Variants in SUN1 observed in about 807,000 individuals in gnomAD.
SUN1 encodes the protein Sad1 and UNC84 domain containing 1.
In SUN1, 61 loss-of-function variants were observed where a neutral mutation model predicts 103.2. The ratio of observed to expected loss-of-function variants is 0.59; its 90% CI spans 0.48 to 0.73. SUN1 has a LOEUF of 0.73. Among genes scored for constraint, SUN1 ranks in the 30% least tolerant of loss-of-function variants. The probability of loss-of-function intolerance (pLI) is 0.00; values close to 1 mark genes in which losing one functional copy is unlikely to be tolerated. For missense variants in SUN1, 1,052 were observed against 1,034.6 expected (o/e 1.02, Z -0.23); for synonymous variants, 490 against 425.7 (o/e 1.15, Z -1.86).
chr7:833,499 T>C (rs1381766275), intron 1 of SUN1, among the ~76,000 whole-genome samples: 2 of 151,954 alleles, frequency 1.3e-5, no homozygotes, highest in African/African-American at 4.8e-5. Flanking sequence ...TTAATAGAGA[T>C]GGGGTTTCAC....
At chr7:851,000 T>C (rs965725531) in intron 5 of SUN1, among the ~76,000 whole-genome samples, 4 of 152,184 alleles carry the variant, frequency 2.6e-5, no homozygotes, top group Admixed American at 1.3e-4. Flanking sequence ...CAGGTGTCTA[T>C]GGAATTTCAA....
chr7:866,712 G>GCC (rs57154984), intron 16 of SUN1, among the ~76,000 whole-genome samples: 1 of 4,182 alleles, frequency 2.4e-4, no homozygotes, highest in South Asian at 6.4e-3. Context: ...GTGGGCCTTC[G>GCC]CCCCCCCCCC....
chr7:827,266 C>T (rs1684210697), intron 1 of SUN1, among the ~76,000 whole-genome samples: 1 of 152,096 alleles, frequency 6.6e-6, no homozygotes, highest in African/African-American at 2.4e-5. Context: ...AAGTGATCCT[C>T]CTGCCCGCCT....
chr7:864,228 A>G (rs1463257732), intron 15 of SUN1, among the ~76,000 whole-genome samples: 4 of 152,040 alleles, frequency 2.6e-5, no homozygotes, highest in Non-Finnish European at 5.9e-5. Flanking sequence ...TTGAGTTACA[A>G]ACAAAAATAC....
At chr7:817,922 A>C (rs889655407) in intron 1 of SUN1, among the ~76,000 whole-genome samples, 7 of 151,436 alleles carry the variant, frequency 4.6e-5, no homozygotes, top group Admixed American at 1.3e-4. Context: ...TGTTTGTTCT[A>C]CTTTCTAGAT....
At chr7:817,416 A>G in intron 1 of SUN1, 1 of 1,535,566 alleles carries the variant, frequency 6.5e-7, no homozygotes, top group Non-Finnish European at 8.7e-7. Context: ...GTCTGGTGCA[A>G]AATAAGCAGC....
rs945811721 is a variant in SUN1, at chr7:874,203, C to T, written c.*872C>T. On this transcript the variant is annotated 3_prime_UTR_variant, in exon 19 of 19. Coordinates refer to ENST00000401592, the MANE Select transcript of SUN1 (RefSeq NM_001130965.3). ...CACTGGTGGTGATAAGAGGAGCCGT[C>T]TGGTGTGTCAGGGTCACGAACCCGT... The T allele has an allele frequency of 2.6e-5, 4 of 152,464 alleles. No individual in the cohort carries two copies. The highest frequency in any genetic ancestry group is 5.9e-5 in the Non-Finnish European group (4 of 68,046). The allele number at this position is 152,464 out of a possible 1,614,324, so 9.4% of individuals were successfully genotyped here. A position where few individuals can be genotyped will look rare whatever the true frequency, so the allele number is the denominator to read the frequency against.
intron 1 of SUN1, among the ~76,000 whole-genome samples, chr7:823,911 G>C (rs1367207302): frequency 2.6e-5 from 4 of 152,206 alleles, no homozygotes; most frequent in Admixed American, 2.0e-4. Context: ...AACGATGCCT[G>C]TGTACCAACT....
intron 5 of SUN1, 162 bp downstream of exon 5, chr7:843,682 C>T: frequency 6.8e-7 from 1 of 1,464,388 alleles, no homozygotes. Flanking sequence ...TTCCTGTCCT[C>T]TTCTAGTTTA....
At chr7:872,781 G>A (rs1266980301) in intron 18 of SUN1, among the ~76,000 whole-genome samples, 2 of 152,184 alleles carry the variant, frequency 1.3e-5, no homozygotes, top group African/African-American at 4.8e-5. Flanking sequence ...TTACTTAGAA[G>A]GATCATATTT....
chr7:824,506 A>G (rs1057281157), intron 1 of SUN1, among the ~76,000 whole-genome samples: 4 of 152,186 alleles, frequency 2.6e-5, no homozygotes, highest in African/African-American at 7.2e-5. Flanking sequence ...GTCTTCCTAG[A>G]CGCTTTGCAG....
upstream of SUN1, chr7:816,611 G>A (rs565166984): frequency 7.6e-6 from 3 of 393,146 alleles, no homozygotes; most frequent in South Asian, 3.5e-5. Context: ...TGGCTGGCGT[G>A]GGCAGAGCGT....
intron 1 of SUN1, chr7:817,134 T>A (rs1343873501): frequency 1.1e-5 from 4 of 356,010 alleles, no homozygotes; most frequent in Non-Finnish European, 2.1e-5. Context: ...GGGAAGACGG[T>A]TTTATTTAAG....
At chr7:852,376 G>C (rs906285432) in intron 7 of SUN1, 138 of 613,894 alleles carry the variant, frequency 2.2e-4, no homozygotes, top group Non-Finnish European at 3.3e-4. Context: ...CAGCGACTCA[G>C]GGTAGCTCAG....
intron 13 of SUN1, among the ~76,000 whole-genome samples, chr7:858,702 A>T (rs150241887): frequency 6.6e-6 from 1 of 152,384 alleles, no homozygotes; most frequent in African/African-American, 2.4e-5. Context: ...CTAGACATTT[A>T]GAGCTGCTTA....
chr7:854,562 C>T (rs758509073), intron 10 of SUN1, among the ~76,000 whole-genome samples: 19 of 152,202 alleles, frequency 1.2e-4, no homozygotes, highest in Non-Finnish European at 2.6e-4. Context: ...GTGCTGGAGA[C>T]GGCGAGGGCC....
intron 1 of SUN1, among the ~76,000 whole-genome samples, 173 bp downstream of exon 1, chr7:832,774 T>C (rs1799157571): frequency 6.6e-6 from 1 of 152,196 alleles, no homozygotes; most frequent in South Asian, 2.1e-4. Flanking sequence ...TTCTTACGGC[T>C]TTAAGGTAAA....
intron 2 of SUN1, among the ~76,000 whole-genome samples, chr7:841,099 A>G (rs1809307425): frequency 1.3e-5 from 2 of 151,458 alleles, no homozygotes; most frequent in South Asian, 2.1e-4. Flanking sequence ...ATGCCCAGCT[A>G]ATTTTGTATT....
intron 3 of SUN1, chr7:842,961 C>T (rs960831229): frequency 4.8e-6 from 3 of 619,738 alleles, no homozygotes; most frequent in African/African-American, 3.7e-5. Flanking sequence ...CTGCTTTCCT[C>T]CTTAGGCCAG....
Sources: gnomAD v4.1 joint callset for allele counts (sites outside exome capture counted in the v4.1 genomes callset) on GRCh38, gnomAD v4.1.1 for gene constraint, MANE v1.5 for transcripts, NCBI Gene and HGNC (gene_info 2026-07-23, HGNC 2026-07-21) for gene names.